The following ZFAT variants were observed in gnomAD, a reference collection of about 807,000 sequenced individuals.
ZFAT encodes the protein zinc finger protein ZFAT.
A neutral mutation model predicts 117.7 loss-of-function variants in ZFAT; 64 were observed. The observed-to-expected ratio is 0.54, with a 90% CI of 0.44 to 0.67. ZFAT has a LOEUF of 0.67. ZFAT is among the 30% of genes least tolerant of loss of function. The pLI is 0.00. For synonymous variants in ZFAT, 679 were observed against 615.0 expected (o/e 1.10, Z -1.54); for missense variants, 1,433 against 1,584.5 (o/e 0.90, Z 1.62).
chr8:134,789,944 G>A, the ZFAT span, among the ~76,000 whole-genome samples: 178 of 152,276 alleles, frequency 1.2e-3, no homozygotes, highest in Middle Eastern at 3.4e-3. Flanking sequence ...CTACCATCCT[G>A]ATAGAACAGT....
intron 11 of ZFAT, among the ~76,000 whole-genome samples, chr8:134,538,486 T>C (rs1160912542): frequency 1.3e-5 from 2 of 152,098 alleles, no homozygotes; most frequent in Non-Finnish European, 2.9e-5. Flanking sequence ...AAATGTGGCA[T>C]CAAAAAAATC....
upstream of ZFAT, chr8:134,713,153 T>C (rs1814093410): frequency 3.1e-6 from 1 of 327,176 alleles, no homozygotes; most frequent in African/African-American, 2.1e-5. Context: ...ATGCTCGCAG[T>C]CGGAGGCCGT....
chr8:134,548,928 G>A (rs536270803), intron 11 of ZFAT, among the ~76,000 whole-genome samples: 4 of 152,302 alleles, frequency 2.6e-5, no homozygotes, highest in East Asian at 1.9e-4. Context: ...AACGGAACAC[G>A]CGAAAACAAA....
At chr8:134,649,054 G>A (rs1831066483) in intron 2 of ZFAT, among the ~76,000 whole-genome samples, 2 of 151,446 alleles carry the variant, frequency 1.3e-5, no homozygotes, top group African/African-American at 4.9e-5. Flanking sequence ...AACAAACTCA[G>A]AAAAAACATC....
the ZFAT span, among the ~76,000 whole-genome samples, chr8:134,721,196 A>C: frequency 6.6e-6 from 1 of 152,156 alleles, no homozygotes; most frequent in East Asian, 1.9e-4. Context: ...TGCCTGGCCC[A>C]CTCATTCCAC....
At chr8:134,626,094 G>A (rs1268262646) in intron 3 of ZFAT, among the ~76,000 whole-genome samples, 1 of 152,198 alleles carries the variant, frequency 6.6e-6, no homozygotes, top group Non-Finnish European at 1.5e-5. Flanking sequence ...TTCTGCCCCT[G>A]CAAAAGGCCC....
At chr8:134,770,905 A>T in the ZFAT span, among the ~76,000 whole-genome samples, 1 of 152,128 alleles carries the variant, frequency 6.6e-6, no homozygotes, top group South Asian at 2.1e-4. Flanking sequence ...AGGAAGAGGA[A>T]ATTCCCACCG....
chr8:134,526,692 A>G (rs1586645218), intron 12 of ZFAT, among the ~76,000 whole-genome samples: 1 of 152,328 alleles, frequency 6.6e-6, no homozygotes, highest in East Asian at 1.9e-4. Context: ...TCAATAATAT[A>G]ACTCCCAGAA....
chr8:134,563,568 T>G (rs111332050), intron 11 of ZFAT, among the ~76,000 whole-genome samples: 1 of 152,152 alleles, frequency 6.6e-6, no homozygotes, highest in African/African-American at 2.4e-5. Context: ...AAGTGCTGAA[T>G]GCAGGTGAGT....
At chr8:134,560,933 C>T (rs867008296) in intron 11 of ZFAT, among the ~76,000 whole-genome samples, 1 of 152,246 alleles carries the variant, frequency 6.6e-6, no homozygotes, top group South Asian at 2.1e-4. Context: ...TAAGTATCTT[C>T]TCTGGCACCT....
At chr8:134,494,572 C>T (rs1818291108) in intron 15 of ZFAT, among the ~76,000 whole-genome samples, 1 of 152,140 alleles carries the variant, frequency 6.6e-6, no homozygotes, top group South Asian at 2.1e-4. Flanking sequence ...GACCTGAAGC[C>T]TCCACGGAAC....
chr8:134,600,296 G>A lies in ZFAT; in HGVS notation c.2475+140C>T, dbSNP rs766787439. The A allele has an allele frequency of 2.6e-5, 21 of 798,504 alleles. No individual in the cohort carries two copies. In the Admixed American group the frequency reaches 2.7e-4, roughly 10 times the overall value. The allele number at this position is 798,504 out of a possible 1,614,324, so 49.5% of individuals were successfully genotyped here. On this transcript the variant is annotated intron_variant, in intron 7 of 15. Coordinates refer to ENST00000377838, the MANE Select transcript of ZFAT (RefSeq NM_020863.4). ...AAGGAACCTGGGAAGCCTCTGCCAC[G>A]TGCACAGCTGTGTAAGGAGAAGGAT...
At position 134,637,716 on chromosome 8, in the gene ZFAT, C is replaced by T; in HGVS notation, c.197-4G>A. ...TTCCTCTTCATGACCAAAAACTCTACAGAGGAAACAAGAGGGCACAATGGA... is the reference window on the plus strand; with the variant it reads ...TTCCTCTTCATGACCAAAAACTCTATAGAGGAAACAAGAGGGCACAATGGA... On this transcript the variant is annotated splice_region_variant and splice_polypyrimidine_tract_variant and intron_variant, in intron 2 of 15. Transcript: ENST00000377838. The T allele has an allele frequency of 6.2e-7, 1 of 1,612,286 alleles. No homozygotes were observed. The highest frequency in any genetic ancestry group is 8.5e-7 in the Non-Finnish European group (1 of 1,178,824).
the ZFAT span, among the ~76,000 whole-genome samples, chr8:134,719,696 C>A: frequency 6.6e-6 from 1 of 152,124 alleles, no homozygotes; most frequent in Admixed American, 6.5e-5. Context: ...AGAAAAAAAG[C>A]CCCCAAGGGA....
intron 13 of ZFAT, among the ~76,000 whole-genome samples, chr8:134,520,445 A>G (rs1820573500): frequency 6.6e-6 from 1 of 151,776 alleles, no homozygotes; most frequent in African/African-American, 2.4e-5. Flanking sequence ...CTCCTAAGGG[A>G]AAAAAAACAA....
intron 3 of ZFAT, among the ~76,000 whole-genome samples, chr8:134,626,701 C>T (rs1439477355): frequency 6.6e-6 from 1 of 152,262 alleles, no homozygotes; most frequent in Admixed American, 6.5e-5. Flanking sequence ...GTTAACACTG[C>T]AGTTTGCTCA....
the ZFAT span, among the ~76,000 whole-genome samples, chr8:134,736,172 T>A: frequency 6.6e-6 from 1 of 151,906 alleles, no homozygotes; most frequent in Non-Finnish European, 1.5e-5. Context: ...CCCCAGTTAC[T>A]AAAATGGAAG....
chr8:134,637,809 G>C, intron 2 of ZFAT, 97 bp from the exon 3 acceptor site: 1 of 1,482,042 alleles, frequency 6.7e-7, no homozygotes, highest in East Asian at 2.3e-5. Context: ...CAGGTTTCAC[G>C]TTTCATTAAA....
intron 3 of ZFAT, among the ~76,000 whole-genome samples, chr8:134,616,669 T>A (rs772482647): frequency 2.0e-5 from 3 of 152,228 alleles, no homozygotes; most frequent in Non-Finnish European, 4.4e-5. Flanking sequence ...TAGCTGTCGA[T>A]GGGTTTTGCT....
Sources: gnomAD v4.1 joint callset for allele counts (sites outside exome capture counted in the v4.1 genomes callset) on GRCh38, gnomAD v4.1.1 for gene constraint, MANE v1.5 for transcripts, NCBI Gene and HGNC (gene_info 2026-07-23, HGNC 2026-07-21) for gene names.